The following FGF7 variants were observed in gnomAD, a reference collection of about 807,000 sequenced individuals.
FGF7 encodes FGF-7.
FGF7 carries 6 observed loss-of-function variants against 20.5 expected under a neutral mutation model. The ratio of observed to expected loss-of-function variants is 0.29; its 90% CI spans 0.16 to 0.58. The LOEUF (loss-of-function observed/expected upper bound fraction) is 0.58, where lower values mean the gene tolerates loss of function less well. Among genes scored for constraint, FGF7 ranks in the 20% least tolerant of loss-of-function variants. The pLI is 0.90. For synonymous variants in FGF7, 64 were observed against 74.7 expected, an observed-to-expected ratio of 0.86 and a Z score of 0.74; for missense variants, 144 against 228.8, an observed-to-expected ratio of 0.63 and a Z score of 2.39.
rs116038542 is a variant in FGF7, at chr15:49,431,224, G to A, written c.286+6641G>A. The stretch of plus-strand genomic sequence containing the variant: ...AACATTTTTACCCCTCAAATAGGTT[G>A]TAAATGAAAATCCTCTGCCTTCCAC... On this transcript the variant is annotated intron_variant, in intron 2 of 3. Coordinates refer to ENST00000267843, the MANE Select transcript of FGF7 (RefSeq NM_002009.4). Among the ~76,000 whole-genome samples the A allele has an allele frequency of 2.2e-3, 338 of 151,872 alleles. 3 individuals are homozygous for A. The highest frequency in any genetic ancestry group is 7.9e-3 in the African/African-American group (327 of 41,484).
At chr15:49,445,980 T>A (rs184919839) in intron 2 of FGF7, among the ~76,000 whole-genome samples, 21 of 151,734 alleles carry the variant, frequency 1.4e-4, no homozygotes, top group Admixed American at 9.2e-4. Context: ...TAATTTTATA[T>A]AAATTCATGA....
At chr15:49,450,667 A>C (rs1242647212) in intron 2 of FGF7, among the ~76,000 whole-genome samples, 1 of 152,154 alleles carries the variant, frequency 6.6e-6, no homozygotes, top group Non-Finnish European at 1.5e-5. Context: ...CAGAGAACAA[A>C]AACTTCCTTA....
Position 49,487,984 on chromosome 15 carries a change from C to A in FGF7, c.*3480C>A, listed in dbSNP as rs1457778435. ...AATCCAACTTTACACATAAATAACA[C>A]AAGGCTAAAGAAAACCAGAACTCAA... is the stretch of plus-strand genomic sequence containing the variant. On this transcript the variant is annotated 3_prime_UTR_variant, in exon 4 of 4. Transcript: ENST00000267843. The A allele has an allele frequency of 6.6e-6, 1 of 151,850 alleles. No individual in the cohort carries two copies. The highest frequency in any genetic ancestry group is 2.4e-5 in the African/African-American group (1 of 41,366). The allele number at this position is 151,850 out of a possible 1,614,324, so 9.4% of individuals were successfully genotyped here. A position where few individuals can be genotyped will look rare whatever the true frequency, so the allele number is the denominator to read the frequency against.
chr15:49,425,633 A>C (rs1033467270), intron 2 of FGF7: 2 of 151,946 alleles, frequency 1.3e-5, no homozygotes, highest in Admixed American at 6.6e-5. Flanking sequence ...GCAATTACTC[A>C]AACTTTTGTT....
intron 2 of FGF7, among the ~76,000 whole-genome samples, chr15:49,428,418 A>T (rs1458846112): frequency 6.6e-6 from 1 of 152,056 alleles, no homozygotes; most frequent in East Asian, 1.9e-4. Flanking sequence ...ACATCATAAA[A>T]GGGTGAAATG....
At chr15:49,470,019 C>T (rs1479213351) in intron 2 of FGF7, among the ~76,000 whole-genome samples, 3 of 152,092 alleles carry the variant, frequency 2.0e-5, no homozygotes. Context: ...GGTAGCTATG[C>T]TTTAACATAT....
In FGF7 at chr15:49,424,400, A is replaced by G. The variant is rs746255850; in HGVS notation, c.103A>G (p.Met35Val). ...VGTISLACNDMTPEQMATNVN... is the reference protein window; with the variant it reads ...VGTISLACNDVTPEQMATNVN... ...TACTATATCTTTAGCTTGCAATGAC[A>G]TGACTCCAGAGCAAATGGCTACAAA... Residue 35 changes from methionine to valine, a missense_variant, in exon 2 of 4, where the codon ATG becomes GTG. Transcript: ENST00000267843. The G allele has an allele frequency of 1.2e-6, 2 of 1,613,702 alleles. No homozygotes were observed. Among genetic ancestry groups the G allele is most frequent in the Non-Finnish European group, 1.7e-6 (2 of 1,179,700 alleles).
At position 49,424,205 on chromosome 15, in the gene FGF7, C is replaced by T; in HGVS notation, c.-93C>T. The T allele has an allele frequency of 8.9e-7, 1 of 1,121,158 alleles. No individual in the cohort carries two copies. The highest frequency in any genetic ancestry group is 1.3e-6 in the Non-Finnish European group (1 of 774,402). 69.5% of individuals were successfully genotyped at this position (1,121,158 alleles called of 1,614,324 possible). A position where few individuals can be genotyped will look rare whatever the true frequency, so the allele number is the denominator to read the frequency against. On this transcript the variant is annotated 5_prime_UTR_variant, in exon 2 of 4. The change creates a premature stop within an existing upstream ORF in the 5' untranslated region. Transcript: ENST00000267843. ...CTTTCTTAAATCAATCTACAATTCACAGATAGGAAGAGGTCAATGACCTAG... is the reference window on the plus strand; with the variant it reads ...CTTTCTTAAATCAATCTACAATTCATAGATAGGAAGAGGTCAATGACCTAG...
chr15:49,462,129 T>C (rs2053854359), intron 2 of FGF7, among the ~76,000 whole-genome samples: 1 of 151,746 alleles, frequency 6.6e-6, no homozygotes, highest in Non-Finnish European at 1.5e-5. Context: ...AAAAAAAAAA[T>C]TGTATTTAAA....
intron 2 of FGF7, among the ~76,000 whole-genome samples, chr15:49,450,410 C>G (rs1405906014): frequency 1.3e-5 from 2 of 152,002 alleles, no homozygotes; most frequent in African/African-American, 4.8e-5. Flanking sequence ...TTCCCTTATA[C>G]TGACCCTTCA....
At chr15:49,440,033 A>G (rs1487734755) in intron 2 of FGF7, among the ~76,000 whole-genome samples, 1 of 151,798 alleles carries the variant, frequency 6.6e-6, no homozygotes, top group African/African-American at 2.4e-5. Context: ...AAGTTTAAGA[A>G]GCACTGATCT....
intron 2 of FGF7, among the ~76,000 whole-genome samples, chr15:49,464,696 G>A (rs947826450): frequency 6.6e-6 from 1 of 152,122 alleles, no homozygotes; most frequent in Non-Finnish European, 1.5e-5. Flanking sequence ...AATGTGCAGT[G>A]GTCCCAAATG....
Position 49,485,405 on chromosome 15 carries a change from C to T in FGF7, c.*901C>T, listed in dbSNP as rs1183502552. The T allele has an allele frequency of 1.3e-5, 2 of 151,912 alleles. No individual in the cohort carries two copies. The highest frequency in any genetic ancestry group is 6.6e-5 in the Admixed American group (1 of 15,170). The allele number at this position is 151,912 out of a possible 1,614,324, so 9.4% of individuals were successfully genotyped here. A position where few individuals can be genotyped will look rare whatever the true frequency, so the allele number is the denominator to read the frequency against. On this transcript the variant is annotated 3_prime_UTR_variant, in exon 4 of 4. Transcript: ENST00000267843. ...TAATCATGCTTTTTTCCTATGGTTA[C>T]AGCATTAAACTCTATTTTAAGTTGT...
rs377339049 is a variant in FGF7 at position 49,464,903 on chromosome 15, A to G, written c.287-18248A>G. Reference sequence around the variant, plus strand: ...AATAAATGAATAACGTAAGACATACATGACATACCTAAAAAACATTTTGGC... The same window carrying G: ...AATAAATGAATAACGTAAGACATACGTGACATACCTAAAAAACATTTTGGC... On this transcript the variant is annotated intron_variant, in intron 2 of 3. Transcript: ENST00000267843. Among the ~76,000 whole-genome samples the G allele has an allele frequency of 8.5e-5, 13 of 152,334 alleles. 1 individual carries two copies. The highest frequency in any genetic ancestry group is 4.1e-4 in the South Asian group (2 of 4,824).
At chr15:49,437,648 G>T (rs2051229695) in intron 2 of FGF7, among the ~76,000 whole-genome samples, 1 of 151,606 alleles carries the variant, frequency 6.6e-6, no homozygotes, top group Non-Finnish European at 1.5e-5. Flanking sequence ...ATCTTAGAAG[G>T]TTTGTATTCT....
At chr15:49,440,833 T>C (rs867877561) in intron 2 of FGF7, among the ~76,000 whole-genome samples, 3 of 151,776 alleles carry the variant, frequency 2.0e-5, no homozygotes, top group South Asian at 2.1e-4. Flanking sequence ...TGTTTTGTTA[T>C]ATAACATTCT....
chr15:49,449,859 G>T (rs954546991), intron 2 of FGF7, among the ~76,000 whole-genome samples: 1 of 151,952 alleles, frequency 6.6e-6, no homozygotes, highest in Admixed American at 6.6e-5. Context: ...CTTAACTTTA[G>T]AGATACTGTC....
chr15:49,451,329 A>G (rs1219143713), intron 2 of FGF7, among the ~76,000 whole-genome samples: 1 of 152,080 alleles, frequency 6.6e-6, no homozygotes, highest in Non-Finnish European at 1.5e-5. Flanking sequence ...AAGTTTTATT[A>G]GGCACAAAAT....
chr15:49,459,626 G>A lies in FGF7; in HGVS notation c.287-23525G>A, dbSNP rs150404634. ...TATTGCTTTTATGTAAATTTATAGAGTTTGAGGAATAATTAAAACTAGTAT... is the reference window on the plus strand; with the variant it reads ...TATTGCTTTTATGTAAATTTATAGAATTTGAGGAATAATTAAAACTAGTAT... On this transcript the variant is annotated intron_variant, in intron 2 of 3. Transcript: ENST00000267843. Among the ~76,000 whole-genome samples the A allele has an allele frequency of 3.6e-3, 546 of 152,070 alleles. 3 individuals carry two copies. The highest frequency in any genetic ancestry group is 0.012 in the African/African-American group (516 of 41,466).
Sources: allele counts gnomAD v4.1 joint callset (sites outside exome capture counted in the v4.1 genomes callset), GRCh38; gene constraint gnomAD v4.1.1; transcripts MANE v1.5; gene names NCBI Gene and HGNC (gene_info 2026-07-23, HGNC 2026-07-21).